NSMAF: variants seen among roughly 807,000 people sequenced by gnomAD.
NSMAF encodes the protein protein FAN.
Under a neutral mutation model 134.9 loss-of-function variants are expected in NSMAF, and 90 were observed. The observed-to-expected ratio is 0.67, with a 90% confidence interval of 0.56 to 0.79. The LOEUF is 0.79. Among genes scored for constraint, NSMAF ranks in the 30% least tolerant of loss-of-function variants. The probability of loss-of-function intolerance (pLI) is 0.00; values close to 1 mark genes in which losing one functional copy is unlikely to be tolerated. For missense variants in NSMAF, 1,010 were observed against 1,119.0 expected (o/e 0.90, Z 1.39); for synonymous variants, 358 against 389.6 (o/e 0.92, Z 0.96).
chr8:58,623,300 ATT>A (rs1554576142), intron 8 of NSMAF, 28 bp from the exon 9 acceptor site: 552,915 of 1,595,116 alleles, frequency 0.35, 97,607 homozygotes, highest in Non-Finnish European at 0.36. Context: ...GAAAAAAAGT[ATT>A]TATAAGTATT....
In NSMAF at chr8:58,635,354, T is replaced by C. The variant is rs767715115; in HGVS notation, c.247A>G (p.Ile83Val). 7.5e-6 allele frequency: 12 copies of C among 1,607,992 alleles called. No individual in the cohort carries two copies. In the East Asian group the frequency reaches 2.5e-4, roughly 33 times the overall value. ...TTTTCTCCATGCTTTCCTATTTTTA[T>C]ACAGTCTCTCAAAGGAATCTGGATA... ...PIIKIPLRDC[I>V]KIGKHGENGA... Residue 83 changes from isoleucine to valine, a missense_variant, in exon 4 of 31, where the codon ATA becomes GTA. Coordinates refer to ENST00000038176, the MANE Select transcript of NSMAF (RefSeq NM_003580.4).
intron 9 of NSMAF, among the ~76,000 whole-genome samples, chr8:58,613,883 T>C (rs1806592252): frequency 6.6e-6 from 1 of 152,206 alleles, no homozygotes; most frequent in South Asian, 2.1e-4. Flanking sequence ...GAGCATTTCC[T>C]TTGACCATCA....
intron 12 of NSMAF, among the ~76,000 whole-genome samples, chr8:58,603,727 G>T (rs1012637814): frequency 2.6e-5 from 4 of 151,972 alleles, no homozygotes; most frequent in African/African-American, 9.7e-5. Flanking sequence ...CAAATGTGCT[G>T]TCTCCATGCA....
intron 6 of NSMAF, among the ~76,000 whole-genome samples, chr8:58,626,162 G>A (rs536861834): frequency 1.4e-5 from 2 of 143,732 alleles, no homozygotes; most frequent in African/African-American, 5.2e-5. Flanking sequence ...GCAGTGGCGC[G>A]ATCTTGGCTC....
chr8:58,615,331 T>C (rs1047230610), intron 9 of NSMAF, among the ~76,000 whole-genome samples: 2 of 152,132 alleles, frequency 1.3e-5, no homozygotes, highest in African/African-American at 4.8e-5. Context: ...CATCAACCAG[T>C]TGGACCCATA....
At chr8:58,626,445 T>C (rs1806933928) in intron 6 of NSMAF, among the ~76,000 whole-genome samples, 1 of 152,226 alleles carries the variant, frequency 6.6e-6, no homozygotes, top group Non-Finnish European at 1.5e-5. Flanking sequence ...CTCCCACTTA[T>C]AAGTGAGAAC....
intron 9 of NSMAF, among the ~76,000 whole-genome samples, chr8:58,612,380 C>T (rs1464632103): frequency 6.6e-6 from 1 of 152,194 alleles, no homozygotes. Flanking sequence ...TACCCTCACT[C>T]CACAGGGACA....
chr8:58,617,052 A>G (rs1806673317), intron 9 of NSMAF, among the ~76,000 whole-genome samples: 1 of 152,202 alleles, frequency 6.6e-6, no homozygotes, highest in South Asian at 2.1e-4. Context: ...GGGGCATGAA[A>G]GAGAAATCTG....
At chr8:58,612,126 T>G (rs761995075) in intron 9 of NSMAF, among the ~76,000 whole-genome samples, 3 of 152,176 alleles carry the variant, frequency 2.0e-5, no homozygotes, top group Non-Finnish European at 4.4e-5. Context: ...AAGCATCTTT[T>G]GCTCTAATGA....
At position 58,589,453 on chromosome 8, in the gene NSMAF, T is replaced by G; in HGVS notation, c.2210A>C (p.Lys737Thr). The G allele has an allele frequency of 6.8e-7, 1 of 1,465,746 alleles. No homozygotes were observed. Among genetic ancestry groups the G allele is most frequent in the Non-Finnish European group, 9.0e-7 (1 of 1,112,538 alleles). The allele number at this position is 1,465,746 out of a possible 1,614,324, so 90.8% of individuals were successfully genotyped here. ...LYSASWDSTV[K>T]VWSGVPAEMP... The stretch of plus-strand genomic sequence containing the variant: ...AAACTTTTTAAATTATATATGAACC[T>G]TCACTGTAGAGTCCCACGATGCAGA... The change falls in exon 26 of 31, where the codon AAG (lysine) becomes ACG (threonine). Residue 737 changes from lysine to threonine, a missense_variant and splice_region_variant. By Grantham distance (78) the Lys-to-Thr change is moderately conservative. Transcript: ENST00000038176.
At chr8:58,655,144 A>C (rs1325625717) in intron 1 of NSMAF, among the ~76,000 whole-genome samples, 1 of 151,504 alleles carries the variant, frequency 6.6e-6, no homozygotes, top group Non-Finnish European at 1.5e-5. Context: ...TGGCCTATTT[A>C]TTTTTTAAAT....
chr8:58,603,949 T>C (rs907832158), intron 12 of NSMAF, among the ~76,000 whole-genome samples: 7 of 152,138 alleles, frequency 4.6e-5, no homozygotes, highest in Admixed American at 3.9e-4. Context: ...ATTCTCAAAC[T>C]AAAAGAACCA....
chr8:58,599,798 GTC>G lies in NSMAF; in HGVS notation c.1403_1404del (p.Arg468ThrfsTer7), dbSNP rs1448660071. 1 of 1,613,934 alleles carries G rather than the reference GTC, an allele frequency of 6.2e-7. No homozygotes were observed. The highest frequency in any genetic ancestry group is 2.2e-5 in the East Asian group (1 of 44,888). On this transcript the variant is annotated frameshift_variant, in exon 18 of 31. Coordinates refer to ENST00000038176, the MANE Select transcript of NSMAF (RefSeq NM_003580.4). LOFTEE classifies it high-confidence loss of function. ...VNSLKLDLGK[R>X]QGGQMVDDVE... is the part of the protein sequence containing the mutation. ...ACGTCGTCAACCATCTGTCCTCCTT[GTC>G]TCTTTCCCAAATCCAACTTCAGGCT...
At position 58,597,475 on chromosome 8, in the gene NSMAF, A is replaced by C; in HGVS notation, c.1704T>G (p.Phe568Leu). 1 of 1,614,140 alleles carries C rather than the reference A, an allele frequency of 6.2e-7. No individual in the cohort carries two copies. The highest frequency in any genetic ancestry group is 1.1e-5 in the South Asian group (1 of 91,090). Residue 568 changes from phenylalanine (F) to leucine (L), a missense_variant, in exon 21 of 31, where the codon TTT (phenylalanine) becomes TTG (leucine). By Grantham distance (22) the Phe-to-Leu change is conservative. Coordinates refer to ENST00000038176, the MANE Select transcript of NSMAF (RefSeq NM_003580.4). ...LEFGQTPKQL[F>L]VTPHPRRITP... Reference sequence around the variant, plus strand: ...TGATCCTTCGAGGATGTGGTGTCACAAATAGTTGTTTTGGTGTCTGCCCAA... The same window carrying C: ...TGATCCTTCGAGGATGTGGTGTCACCAATAGTTGTTTTGGTGTCTGCCCAA...
At chr8:58,625,230 G>C (rs148355171) in intron 6 of NSMAF, among the ~76,000 whole-genome samples, 1 of 152,182 alleles carries the variant, frequency 6.6e-6, no homozygotes, top group Admixed American at 6.5e-5. Flanking sequence ...TTCAGACTCA[G>C]ACTAAACGCT....
chr8:58,610,122 T>A (rs1460348835), intron 9 of NSMAF, among the ~76,000 whole-genome samples: 1 of 152,216 alleles, frequency 6.6e-6, no homozygotes. Context: ...TGGCATTTAT[T>A]TCACACTACA....
chr8:58,599,134 T>G, intron 19 of NSMAF, 98 bp downstream of exon 19: 1 of 1,259,032 alleles, frequency 7.9e-7, no homozygotes, highest in Non-Finnish European at 1.1e-6. Flanking sequence ...TTTGGCCTCA[T>G]TTTTTTGTTG....
chr8:58,620,059 G>C (rs1157321905), intron 9 of NSMAF, among the ~76,000 whole-genome samples: 2 of 152,178 alleles, frequency 1.3e-5, no homozygotes, highest in Non-Finnish European at 2.9e-5. Context: ...AAACAAGTAA[G>C]AGAATGGGAT....
Position 58,583,830 on chromosome 8 carries a change from T to A in NSMAF, c.*276A>T. The A allele has an allele frequency of 2.4e-6, 1 of 411,306 alleles. No individual in the cohort carries two copies. Among genetic ancestry groups the A allele is most frequent in the South Asian group, 2.4e-5 (1 of 41,136 alleles). 25.5% of individuals were successfully genotyped at this position (411,306 alleles called of 1,614,324 possible). A position where few individuals can be genotyped will look rare whatever the true frequency, so the allele number is the denominator to read the frequency against. On this transcript the variant is annotated 3_prime_UTR_variant, in exon 31 of 31. Coordinates refer to ENST00000038176, the MANE Select transcript of NSMAF (RefSeq NM_003580.4). ...TATCTCTTAGCTATTCTCTGCTACT[T>A]AGTCCTGTCTTCTGACAATCATCAT...
Sources: gnomAD v4.1 joint callset for allele counts (sites outside exome capture counted in the v4.1 genomes callset) on GRCh38, gnomAD v4.1.1 for gene constraint, MANE v1.5 for transcripts, NCBI Gene and HGNC (gene_info 2026-07-23, HGNC 2026-07-21) for gene names.